RAPGEF2: variants seen among roughly 807,000 people sequenced by gnomAD.
RAPGEF2 encodes the protein Rap guanine nucleotide exchange factor 2.
Under a neutral mutation model 186.7 loss-of-function variants are expected in RAPGEF2, and 54 were observed. That is an observed-to-expected ratio of 0.29 (90% CI 0.23 to 0.36). The LOEUF is 0.36. RAPGEF2 is among the 10% of genes least tolerant of loss of function. The pLI is 1.00. For synonymous variants in RAPGEF2, 712 were observed against 705.9 expected, an observed-to-expected ratio of 1.01 and a Z score of -0.14; for missense variants, 1,532 against 2,045.0, an observed-to-expected ratio of 0.75 and a Z score of 4.84.
At chr4:159,279,934 C>T (rs1169112661) in intron 7 of RAPGEF2, among the ~76,000 whole-genome samples, 1 of 152,122 alleles carries the variant, frequency 6.6e-6, no homozygotes. Context: ...ATCTGCCCGC[C>T]TCGGCCTCCC....
At chr4:159,107,850 T>A (rs2111050691) in intron 1 of RAPGEF2, among the ~76,000 whole-genome samples, 1 of 152,350 alleles carries the variant, frequency 6.6e-6, no homozygotes, top group East Asian at 1.9e-4. Flanking sequence ...TCTGTTATAG[T>A]TAAATTTTCC....
At chr4:159,239,181 G>A (rs1753647768) in intron 5 of RAPGEF2, among the ~76,000 whole-genome samples, 1 of 151,960 alleles carries the variant, frequency 6.6e-6, no homozygotes, top group African/African-American at 2.4e-5. Context: ...TTGAAATTTG[G>A]GGAGAATCTC....
chr4:159,147,397 G>A (rs2111180784), intron 1 of RAPGEF2, among the ~76,000 whole-genome samples: 1 of 151,324 alleles, frequency 6.6e-6, no homozygotes, highest in Admixed American at 6.6e-5. Flanking sequence ...TTATTAAACT[G>A]GAAAAGTTCG....
intron 7 of RAPGEF2, among the ~76,000 whole-genome samples, chr4:159,251,722 C>A (rs753199462): frequency 1.1e-4 from 16 of 152,054 alleles, no homozygotes; most frequent in Non-Finnish European, 2.1e-4. Context: ...ATAAATGCAC[C>A]AATCAGCACC....
At chr4:159,276,651 T>A (rs1428158647) in intron 7 of RAPGEF2, among the ~76,000 whole-genome samples, 2 of 152,178 alleles carry the variant, frequency 1.3e-5, no homozygotes, top group African/African-American at 2.4e-5. Context: ...CTTTGCACTG[T>A]ATATAGTGAA....
chr4:159,135,576 A>T (rs896189428), intron 1 of RAPGEF2, among the ~76,000 whole-genome samples: 4 of 151,948 alleles, frequency 2.6e-5, no homozygotes, highest in African/African-American at 7.3e-5. Context: ...GATCTTTTCA[A>T]ATATTTTGTC....
chr4:159,249,730 C>G (rs1042034023), intron 7 of RAPGEF2, among the ~76,000 whole-genome samples: 2 of 151,690 alleles, frequency 1.3e-5, no homozygotes, highest in African/African-American at 4.8e-5. Flanking sequence ...AGGGAAAAAC[C>G]TCCACTTCTT....
At chr4:159,210,461 T>C in intron 3 of RAPGEF2, 39 bp from the exon 4 acceptor site, 1 of 1,369,642 alleles carries the variant, frequency 7.3e-7, no homozygotes, top group Non-Finnish European at 1.0e-6. Flanking sequence ...TTGTTGTTGT[T>C]ATAGGTAACA....
At chr4:159,279,278 G>A (rs904542276) in intron 7 of RAPGEF2, among the ~76,000 whole-genome samples, 1 of 152,190 alleles carries the variant, frequency 6.6e-6, no homozygotes, top group Admixed American at 6.5e-5. Flanking sequence ...GCCATTGGCA[G>A]GTTTTTCTTG....
Position 159,271,146 on chromosome 4 carries a change from G to A in RAPGEF2, c.543+27355G>A, listed in dbSNP as rs1019171236. 5.3e-5 allele frequency among the ~76,000 whole-genome samples: 8 copies of A among 152,214 alleles called. No individual in the cohort carries two copies. In the East Asian group the frequency reaches 1.5e-3, roughly 29 times the overall value. On this transcript the variant is annotated intron_variant, in intron 7 of 29. Transcript: ENST00000691494. ...AGTCTCTTTACTCAATTTACCAACT[G>A]TTGTGTTTTTTTAAAGTGGAGCTCT...
At chr4:159,171,906 A>G (rs1745944521) in intron 1 of RAPGEF2, among the ~76,000 whole-genome samples, 1 of 152,092 alleles carries the variant, frequency 6.6e-6, no homozygotes. Context: ...CCTTCATACT[A>G]CCGTTCAAGA....
rs566635755 is a variant in RAPGEF2 at position 159,152,524 on chromosome 4, G to C, written c.70-34118G>C. 1.1e-3 allele frequency among the ~76,000 whole-genome samples: 173 copies of C among 152,282 alleles called. No individual in the cohort carries two copies. The Middle Eastern group carries it at 0.021, about 18-fold the overall frequency. ...ATGGTTTTTTCAAGAATACTTTATTGTGGAATAATTTTAGATTACAGAAAA... is the reference window on the plus strand; with the variant it reads ...ATGGTTTTTTCAAGAATACTTTATTCTGGAATAATTTTAGATTACAGAAAA... On this transcript the variant is annotated intron_variant, in intron 1 of 29. Transcript: ENST00000691494.
At chr4:159,128,452 G>T (rs1317151533) in intron 1 of RAPGEF2, among the ~76,000 whole-genome samples, 1 of 152,026 alleles carries the variant, frequency 6.6e-6, no homozygotes, top group Non-Finnish European at 1.5e-5. Flanking sequence ...TATTACTATT[G>T]CTGACATAAT....
At position 159,345,038 on chromosome 4, in the gene RAPGEF2, G is replaced by A. The variant is rs967075746; in HGVS notation, c.3279-68G>A. ...ACATAGACTATTAATATCAGTCTTG[G>A]CACATTTTAAATAGATAAAGTACTC... On this transcript the variant is annotated intron_variant, in intron 23 of 29. Coordinates refer to ENST00000691494, the MANE Select transcript of RAPGEF2 (RefSeq NM_001394067.2). 2.3e-6 allele frequency: 3 copies of A among 1,325,056 alleles called. No homozygotes were observed. In the African/African-American group the frequency reaches 4.4e-5, roughly 19 times the overall value. The allele number at this position is 1,325,056 out of a possible 1,614,324, so 82.1% of individuals were successfully genotyped here.
chr4:159,132,815 T>G (rs2111136747), intron 1 of RAPGEF2, among the ~76,000 whole-genome samples: 1 of 152,050 alleles, frequency 6.6e-6, no homozygotes, highest in East Asian at 1.9e-4. Context: ...CTTTCTGGAA[T>G]GTTTTTAGTG....
At chr4:159,288,727 C>G (rs1485596702) in intron 7 of RAPGEF2, among the ~76,000 whole-genome samples, 1 of 152,204 alleles carries the variant, frequency 6.6e-6, no homozygotes. Flanking sequence ...CTCCTCAGAA[C>G]CGTCAGATTC....
chr4:159,273,664 TTCTTTC>T (rs1293549424), intron 7 of RAPGEF2, among the ~76,000 whole-genome samples: 1 of 149,858 alleles, frequency 6.7e-6, no homozygotes, highest in Admixed American at 6.7e-5. Context: ...CTTTCTTTCT[TTCTTTC>T]TTTCTTTCTT....
At chr4:159,269,001 A>C (rs1757773158) in intron 7 of RAPGEF2, among the ~76,000 whole-genome samples, 2 of 152,242 alleles carry the variant, frequency 1.3e-5, no homozygotes, top group South Asian at 4.1e-4. Flanking sequence ...CAGCCTGTAT[A>C]GTAGTCTAGG....
At chr4:159,236,119 AG>A (rs1213121102) in intron 4 of RAPGEF2, among the ~76,000 whole-genome samples, 1 of 152,146 alleles carries the variant, frequency 6.6e-6, no homozygotes, top group Non-Finnish European at 1.5e-5. Context: ...TTTTCCATTC[AG>A]CTTATTCAAT....
Sources: allele counts gnomAD v4.1 joint callset (sites outside exome capture counted in the v4.1 genomes callset), GRCh38; gene constraint gnomAD v4.1.1; transcripts MANE v1.5; gene names NCBI Gene and HGNC (gene_info 2026-07-23, HGNC 2026-07-21).